PIP5K1B: variants seen among roughly 807,000 people sequenced by gnomAD.
PIP5K1B encodes phosphatidylinositol-4-phosphate 5-kinase type 1 beta, also known as phosphatidylinositol 4-phosphate 5-kinase type-1 beta.
In PIP5K1B, 42 loss-of-function variants were observed where a neutral mutation model predicts 67.0. The ratio of observed to expected loss-of-function variants is 0.63; its 90% CI spans 0.49 to 0.81. The LOEUF is 0.81. PIP5K1B is among the 30% of genes least tolerant of loss of function. PIP5K1B has a pLI of 0.00. For synonymous variants in PIP5K1B, 214 were observed against 231.4 expected (o/e 0.92, Z 0.68); for missense variants, 459 against 646.3 (o/e 0.71, Z 3.14).
rs917907438 is a variant in PIP5K1B, at chr9:68,861,345, A to T, written c.70-2492A>T. Among the ~76,000 whole-genome samples the T allele has an allele frequency of 2.0e-5, 3 of 152,186 alleles. 1 individual carries two copies. The highest frequency in any genetic ancestry group is 4.4e-5 in the Non-Finnish European group (3 of 68,034). The stretch of plus-strand genomic sequence containing the variant: ...CTCACTCCAGACCTTTGGAATCAGA[A>T]ATTCTGGGGACATGACCGTCATCTG... On this transcript the variant is annotated intron_variant, in intron 4 of 15. Transcript: ENST00000265382.
intron 2 of PIP5K1B, among the ~76,000 whole-genome samples, chr9:68,750,731 G>A (rs1027416136): frequency 4.6e-5 from 7 of 152,180 alleles, no homozygotes; most frequent in African/African-American, 7.2e-5. Context: ...AAATGGTATC[G>A]TGTTTAGGTA....
intron 1 of PIP5K1B, among the ~76,000 whole-genome samples, chr9:68,730,362 A>C (rs543401389): frequency 7.2e-4 from 110 of 152,316 alleles, no homozygotes; most frequent in African/African-American, 2.6e-3. Context: ...ATGGGATGCC[A>C]ATGAGGGTCT....
At chr9:68,886,326 A>G (rs1322982607) in intron 6 of PIP5K1B, among the ~76,000 whole-genome samples, 2 of 152,216 alleles carry the variant, frequency 1.3e-5, no homozygotes, top group East Asian at 3.8e-4. Flanking sequence ...TTATTAATTA[A>G]TAAACACTGA....
chr9:68,739,528 G>A (rs959921463), intron 1 of PIP5K1B, among the ~76,000 whole-genome samples: 30 of 152,200 alleles, frequency 2.0e-4, no homozygotes, highest in African/African-American at 7.0e-4. Flanking sequence ...TAAGAAGGCA[G>A]CATTTATATT....
chr9:68,926,380 A>C (rs528034094), intron 12 of PIP5K1B, among the ~76,000 whole-genome samples: 3 of 152,284 alleles, frequency 2.0e-5, no homozygotes, highest in African/African-American at 7.2e-5. Flanking sequence ...TTAATGGAAC[A>C]AGTTGTTTAA....
At chr9:68,943,227 C>CA (rs1256325423) in intron 14 of PIP5K1B, among the ~76,000 whole-genome samples, 5 of 152,164 alleles carry the variant, frequency 3.3e-5, no homozygotes, top group Non-Finnish European at 7.3e-5. Flanking sequence ...GAGACCACCC[C>CA]AGGTGACCAC....
At chr9:68,974,936 G>A (rs565137569) in intron 14 of PIP5K1B, among the ~76,000 whole-genome samples, 1 of 152,248 alleles carries the variant, frequency 6.6e-6, no homozygotes, top group African/African-American at 2.4e-5. Context: ...CATTGACATG[G>A]TGACAACCTG....
intron 14 of PIP5K1B, among the ~76,000 whole-genome samples, chr9:68,945,276 G>A (rs1203793706): frequency 2.0e-5 from 3 of 152,050 alleles, no homozygotes; most frequent in Non-Finnish European, 4.4e-5. Flanking sequence ...CTCCTGAGTA[G>A]CTGGGATTAC....
intron 14 of PIP5K1B, among the ~76,000 whole-genome samples, chr9:68,970,561 A>G (rs577554011): frequency 1.6e-4 from 25 of 152,372 alleles, no homozygotes; most frequent in African/African-American, 5.5e-4. Flanking sequence ...TGTTCACCCA[A>G]CTGTGAACTT....
chr9:68,875,355 A>G, intron 5 of PIP5K1B, among the ~76,000 whole-genome samples: 1 of 151,274 alleles, frequency 6.6e-6, no homozygotes, highest in East Asian at 1.9e-4. Flanking sequence ...CAGGAGGAAA[A>G]ACTAGTTGCG....
chr9:68,982,853 A>T (rs572867992), intron 14 of PIP5K1B, among the ~76,000 whole-genome samples: 2 of 152,234 alleles, frequency 1.3e-5, no homozygotes, highest in Admixed American at 6.5e-5. Context: ...GAATTAGATG[A>T]CTTATTCTTG....
intron 8 of PIP5K1B, among the ~76,000 whole-genome samples, chr9:68,915,864 T>C (rs1386195774): frequency 1.3e-5 from 2 of 152,224 alleles, no homozygotes; most frequent in Non-Finnish European, 2.9e-5. Flanking sequence ...ATGGCAAAGA[T>C]GCCTGTAATA....
chr9:68,993,089 G>A (rs191139019), intron 15 of PIP5K1B, among the ~76,000 whole-genome samples: 94 of 152,094 alleles, frequency 6.2e-4, no homozygotes, highest in African/African-American at 1.8e-3. Flanking sequence ...GTGAACCCGG[G>A]AGGCGGAGCT....
intron 2 of PIP5K1B, among the ~76,000 whole-genome samples, chr9:68,771,805 T>TAAG (rs1830683044): frequency 6.6e-6 from 1 of 152,224 alleles, no homozygotes. Context: ...CATTTCCTAA[T>TAAG]AAGTGGGAAC....
chr9:68,920,029 A>C (rs552743254), intron 11 of PIP5K1B, among the ~76,000 whole-genome samples: 24 of 152,352 alleles, frequency 1.6e-4, no homozygotes, highest in African/African-American at 5.0e-4. Context: ...AGGGATGATC[A>C]GTAGGGCATT....
chr9:68,787,837 T>C (rs1460520945), intron 2 of PIP5K1B, among the ~76,000 whole-genome samples: 1 of 152,164 alleles, frequency 6.6e-6, no homozygotes, highest in Non-Finnish European at 1.5e-5. Flanking sequence ...TTCACCATGT[T>C]GGCCAGGCTG....
At chr9:68,997,042 G>A (rs759496991) in intron 15 of PIP5K1B, among the ~76,000 whole-genome samples, 6 of 152,236 alleles carry the variant, frequency 3.9e-5, no homozygotes, top group South Asian at 2.1e-4. Flanking sequence ...AGCCACGCCA[G>A]TATTGGAGAT....
At chr9:68,737,202 G>C (rs568185496) in intron 1 of PIP5K1B, among the ~76,000 whole-genome samples, 10 of 152,294 alleles carry the variant, frequency 6.6e-5, no homozygotes, top group African/African-American at 2.4e-4. Context: ...AATTAAAGGT[G>C]TGTTTCCAGT....
At chr9:68,993,107 A>C (rs1381459627) in intron 15 of PIP5K1B, among the ~76,000 whole-genome samples, 1 of 151,712 alleles carries the variant, frequency 6.6e-6, no homozygotes, top group Non-Finnish European at 1.5e-5. Flanking sequence ...GCTTGCGGTG[A>C]GCCGAGATCA....
Sources: allele counts gnomAD v4.1 joint callset (sites outside exome capture counted in the v4.1 genomes callset), GRCh38; gene constraint gnomAD v4.1.1; transcripts MANE v1.5; gene names NCBI Gene and HGNC (gene_info 2026-07-23, HGNC 2026-07-21).